DHX9: variants seen among roughly 807,000 people sequenced by gnomAD.
The protein encoded by DHX9 is DExH-box helicase 9.
A neutral mutation model predicts 148.7 loss-of-function variants in DHX9; 27 were observed. The observed-to-expected ratio is 0.18, with a 90% CI of 0.13 to 0.25. DHX9 has a LOEUF of 0.25. Among genes scored for constraint, DHX9 ranks in the 10% least tolerant of loss-of-function variants. DHX9 has a pLI of 1.00. For missense variants in DHX9, 796 were observed against 1,559.6 expected (o/e 0.51, Z 8.25); for synonymous variants, 529 against 516.6 (o/e 1.02, Z -0.33).
chr1:182,839,568 TG>T (rs1401784008), intron 1 of DHX9, 112 bp downstream of exon 1: 2 of 151,068 alleles, frequency 1.3e-5, no homozygotes, highest in Non-Finnish European at 3.0e-5. Flanking sequence ...CGGCGGCGGC[TG>T]GGGGTGGGGG....
intron 5 of DHX9, among the ~76,000 whole-genome samples, chr1:182,853,793 A>ATT (rs377330722): frequency 6.2e-5 from 9 of 145,634 alleles, no homozygotes; most frequent in Admixed American, 4.1e-4. Flanking sequence ...AGAAGTTGTC[A>ATT]TTTTTTTTTT....
At chr1:182,862,719 C>G (rs927283047) in intron 12 of DHX9, among the ~76,000 whole-genome samples, 2 of 152,080 alleles carry the variant, frequency 1.3e-5, no homozygotes, top group African/African-American at 2.4e-5. Context: ...CCTTTTAGAA[C>G]TTCAGTTTTG....
chr1:182,876,998 C>G lies in DHX9; in HGVS notation c.2198+95C>G. ...ATCAAAAACACCTTATTTTTAAACT[C>G]CTGTGTTCTTAAATCTCCAAAATTA... On this transcript the variant is annotated intron_variant, in intron 19 of 27. Transcript: ENST00000367549. The G allele has an allele frequency of 3.6e-5, 29 of 806,158 alleles. 1 individual carries two copies. The South Asian group carries it at 4.8e-4, about 13-fold the overall frequency. 49.9% of individuals were successfully genotyped at this position (806,158 alleles called of 1,614,324 possible). A position where few individuals can be genotyped will look rare whatever the true frequency, so the allele number is the denominator to read the frequency against.
At chr1:182,887,005 C>G (rs577319473) in intron 27 of DHX9, 78 bp from the exon 28 acceptor site, 60 of 1,337,622 alleles carry the variant, frequency 4.5e-5, no homozygotes, top group Non-Finnish European at 6.1e-5. Flanking sequence ...TCAAATATAA[C>G]TAAATGTGTA....
intron 21 of DHX9, among the ~76,000 whole-genome samples, chr1:182,879,940 T>C (rs1272141477): frequency 6.6e-6 from 1 of 152,136 alleles, no homozygotes; most frequent in East Asian, 1.9e-4. Context: ...GCCAGGCTCT[T>C]CTGAAACTCC....
At chr1:182,855,436 A>G (rs1342229749) in intron 6 of DHX9, 1 of 490,086 alleles carries the variant, frequency 2.0e-6, no homozygotes, top group African/African-American at 2.1e-5. Context: ...TGCTCTTTGT[A>G]TGTCCTTTTA....
intron 4 of DHX9, among the ~76,000 whole-genome samples, chr1:182,852,956 T>C (rs1308511455): frequency 1.3e-5 from 2 of 151,680 alleles, no homozygotes; most frequent in African/African-American, 2.4e-5. Context: ...AGGCAGAGTC[T>C]TGCTCTGTCA....
At chr1:182,847,350 G>T (rs1668051222) in intron 3 of DHX9, among the ~76,000 whole-genome samples, 1 of 152,190 alleles carries the variant, frequency 6.6e-6, no homozygotes, top group Non-Finnish European at 1.5e-5. Context: ...CTCCTCCAAA[G>T]AGCATTGATT....
At chr1:182,882,365 T>G (rs965966424) in intron 24 of DHX9, among the ~76,000 whole-genome samples, 10 of 152,252 alleles carry the variant, frequency 6.6e-5, no homozygotes, top group Non-Finnish European at 1.2e-4. Flanking sequence ...CTTTCAGCGG[T>G]TGACTGTCAT....
At position 182,862,487 on chromosome 1, in the gene DHX9, A is replaced by G. The variant is rs151136855; in HGVS notation, c.1332+2303A>G. ...TGTAATTGTAGGATGTAAATCAAGC[A>G]TATTAATGTAATTTTATCAATCCTG... is the stretch of plus-strand genomic sequence containing the variant. On this transcript the variant is annotated intron_variant, in intron 12 of 27. Coordinates refer to ENST00000367549, the MANE Select transcript of DHX9 (RefSeq NM_001357.5). Among the ~76,000 whole-genome samples the G allele has an allele frequency of 1.3e-3, 203 of 152,370 alleles. 1 individual carries two copies. Among genetic ancestry groups the G allele is most frequent in the African/African-American group, 4.7e-3 (194 of 41,592 alleles).
chr1:182,858,066 ATTTC>A (rs745415622), intron 7 of DHX9, 34 bp from the exon 8 acceptor site: 3 of 1,589,644 alleles, frequency 1.9e-6, no homozygotes, highest in East Asian at 2.2e-5. Flanking sequence ...TACTCAGATG[ATTTC>A]TTTCTGTCTG....
Position 182,887,492 on chromosome 1 carries a change from G to C in DHX9, c.*58G>C, listed in dbSNP as rs1462875001. On this transcript the variant is annotated 3_prime_UTR_variant, in exon 28 of 28. Transcript: ENST00000367549. ...GTAAGGAAAAAAAGGCATGCTATGT[G>C]TTACGTGTTTTTTCCAGTATGTTTA... 6 of 1,452,788 alleles carry C rather than the reference G, an allele frequency of 4.1e-6. No homozygotes were observed. Among genetic ancestry groups the C allele is most frequent in the Non-Finnish European group, 5.6e-6 (6 of 1,067,986 alleles). 90.0% of individuals were successfully genotyped at this position (1,452,788 alleles called of 1,614,324 possible). A position where few individuals can be genotyped will look rare whatever the true frequency, so the allele number is the denominator to read the frequency against.
chr1:182,851,209 T>G (rs1668139761), intron 3 of DHX9, among the ~76,000 whole-genome samples: 1 of 152,182 alleles, frequency 6.6e-6, no homozygotes, highest in Non-Finnish European at 1.5e-5. Flanking sequence ...ATTCACAATG[T>G]ACTAATAACA....
intron 3 of DHX9, among the ~76,000 whole-genome samples, chr1:182,846,285 T>C (rs951832363): frequency 6.6e-6 from 1 of 151,850 alleles, no homozygotes; most frequent in Non-Finnish European, 1.5e-5. Flanking sequence ...TTGCCCAGGC[T>C]GGAGTGCAGT....
chr1:182,842,094 G>A (rs1667942725), intron 1 of DHX9, among the ~76,000 whole-genome samples: 1 of 152,068 alleles, frequency 6.6e-6, no homozygotes, highest in Non-Finnish European at 1.5e-5. Flanking sequence ...CTCCACGGTG[G>A]GTGACTTGGA....
In DHX9 at chr1:182,887,969, G is replaced by C. The variant is rs1408646113; in HGVS notation, c.*535G>C. Among the ~76,000 whole-genome samples, 2 of 152,242 alleles carry C rather than the reference G, an allele frequency of 1.3e-5. No homozygotes were observed. The highest frequency in any genetic ancestry group is 2.9e-5 in the Non-Finnish European group (2 of 68,002). ...CCACATAAACCTGAATAAAACTTTT[G>C]ACCTAGGGTTGAACATTTGGCTTCC... On this transcript the variant is annotated 3_prime_UTR_variant, in exon 28 of 28. Coordinates refer to ENST00000367549, the MANE Select transcript of DHX9 (RefSeq NM_001357.5).
intron 1 of DHX9, among the ~76,000 whole-genome samples, chr1:182,842,303 G>T (rs1667947426): frequency 6.6e-6 from 1 of 152,134 alleles, no homozygotes; most frequent in Non-Finnish European, 1.5e-5. Context: ...ATTTTAGGGG[G>T]TATTTCTTTC....
At chr1:182,850,259 A>C (rs1668112145) in intron 3 of DHX9, among the ~76,000 whole-genome samples, 1 of 152,088 alleles carries the variant, frequency 6.6e-6, no homozygotes, top group Non-Finnish European at 1.5e-5. Flanking sequence ...ACTATTATCT[A>C]GGCTAAATCA....
At position 182,887,473 on chromosome 1, in the gene DHX9, A is replaced by C; in HGVS notation, c.*39A>C. 3 of 1,533,004 alleles carry C rather than the reference A, an allele frequency of 2.0e-6. No homozygotes were observed. The highest frequency in any genetic ancestry group is 2.7e-6 in the Non-Finnish European group (3 of 1,124,634). The allele number at this position is 1,533,004 out of a possible 1,614,324, so 95.0% of individuals were successfully genotyped here. ...CAGTTCCTGTGTGTAGACAGTAAGGAAAAAAAGGCATGCTATGTGTTACGT... is the reference window on the plus strand; with the variant it reads ...CAGTTCCTGTGTGTAGACAGTAAGGCAAAAAAGGCATGCTATGTGTTACGT... On this transcript the variant is annotated 3_prime_UTR_variant, in exon 28 of 28. Transcript: ENST00000367549.
Sources: gnomAD v4.1 joint callset for allele counts (sites outside exome capture counted in the v4.1 genomes callset) on GRCh38, gnomAD v4.1.1 for gene constraint, MANE v1.5 for transcripts, NCBI Gene and HGNC (gene_info 2026-07-23, HGNC 2026-07-21) for gene names.